MYT1L: variants seen among roughly 807,000 people sequenced by gnomAD.
MYT1L encodes myelin transcription factor 1-like protein.
In MYT1L, 12 loss-of-function variants were observed where a neutral mutation model predicts 126.7. The ratio of observed to expected loss-of-function variants is 0.09; its 90% CI spans 0.06 to 0.15. MYT1L has a LOEUF of 0.15. Among genes scored for constraint, MYT1L ranks in the 10% least tolerant of loss-of-function variants. The pLI, the probability that MYT1L is intolerant of heterozygous loss-of-function variation, is 1.00. For synonymous variants in MYT1L, 541 were observed against 604.2 expected (o/e 0.90, Z 1.53); for missense variants, 979 against 1,585.2 (o/e 0.62, Z 6.49).
intron 3 of MYT1L, among the ~76,000 whole-genome samples, chr2:2,140,249 A>G (rs1441606484): frequency 1.3e-5 from 2 of 152,156 alleles, no homozygotes; most frequent in Non-Finnish European, 2.9e-5. Flanking sequence ...AAAATGTGCC[A>G]TAGCAAATTT....
At chr2:2,278,742 A>G (rs1032941565) in intron 2 of MYT1L, among the ~76,000 whole-genome samples, 4 of 152,330 alleles carry the variant, frequency 2.6e-5, no homozygotes, top group East Asian at 3.9e-4. Context: ...GGTAAATTTA[A>G]TGTATAAAGT....
intron 3 of MYT1L, among the ~76,000 whole-genome samples, chr2:2,161,612 T>C (rs2087941441): frequency 6.6e-6 from 1 of 152,184 alleles, no homozygotes; most frequent in African/African-American, 2.4e-5. Flanking sequence ...TGTCATTACA[T>C]TTCCCAGGTC....
At chr2:2,064,095 CT>C (rs1558897010) in intron 3 of MYT1L, among the ~76,000 whole-genome samples, 1 of 152,156 alleles carries the variant, frequency 6.6e-6, no homozygotes, top group Non-Finnish European at 1.5e-5. Flanking sequence ...TATCTGTATT[CT>C]TTAAGTATTG....
intron 3 of MYT1L, among the ~76,000 whole-genome samples, chr2:2,093,569 C>A (rs1037471928): frequency 3.3e-5 from 5 of 151,964 alleles, no homozygotes; most frequent in South Asian, 2.1e-4. Context: ...TGTTTGAGTT[C>A]TTTGTAGATT....
chr2:1,942,966 ATATTT>A lies in MYT1L; in HGVS notation c.505+11_505+15del, dbSNP rs2056816421. 1 of 1,512,306 alleles carries A rather than the reference ATATTT, an allele frequency of 6.6e-7. No homozygotes were observed. The highest frequency in any genetic ancestry group is 8.9e-7 in the Non-Finnish European group (1 of 1,125,892). The allele number at this position is 1,512,306 out of a possible 1,614,324, so 93.7% of individuals were successfully genotyped here. ...CAAATCACGACTTGTTACTTTGCTAATATTTTAAAGATTACCGTTTTCTTCTTCCT... is the reference window on the plus strand; with the variant it reads ...CAAATCACGACTTGTTACTTTGCTAATAAAGATTACCGTTTTCTTCTTCCT... On this transcript the variant is annotated intron_variant, in intron 9 of 24. Transcript: ENST00000647738.
chr2:1,996,595 G>A (rs1359305373), intron 5 of MYT1L, among the ~76,000 whole-genome samples: 33 of 141,812 alleles, frequency 2.3e-4, no homozygotes, highest in African/African-American at 3.2e-4. Context: ...GTGAGTGAGG[G>A]CCGCCCTGCC....
chr2:1,891,652 C>T (rs1291992874), intron 15 of MYT1L, among the ~76,000 whole-genome samples: 1 of 152,166 alleles, frequency 6.6e-6, no homozygotes, highest in African/African-American at 2.4e-5. Context: ...ATGGTGCTAG[C>T]AGAACTTCCT....
intron 18 of MYT1L, among the ~76,000 whole-genome samples, chr2:1,871,940 G>A (rs758989431): frequency 2.6e-5 from 4 of 152,142 alleles, no homozygotes; most frequent in Non-Finnish European, 4.4e-5. Flanking sequence ...ACTCGGAAGC[G>A]CCACATGGAT....
chr2:2,090,152 T>C (rs1293539223), intron 3 of MYT1L, among the ~76,000 whole-genome samples: 1 of 152,154 alleles, frequency 6.6e-6, no homozygotes, highest in Non-Finnish European at 1.5e-5. Flanking sequence ...CTGGAGTAAA[T>C]GCAGGGTTAG....
chr2:2,113,043 G>C (rs372193941), intron 3 of MYT1L, among the ~76,000 whole-genome samples: 8 of 152,302 alleles, frequency 5.3e-5, no homozygotes, highest in African/African-American at 1.9e-4. Context: ...GGAGCATAAG[G>C]AGGGTGCTGA....
At chr2:1,936,291 T>C (rs2055873442) in intron 9 of MYT1L, among the ~76,000 whole-genome samples, 1 of 152,222 alleles carries the variant, frequency 6.6e-6, no homozygotes, top group African/African-American at 2.4e-5. Context: ...TCAAAGTACC[T>C]GAAGGTTTAT....
At chr2:1,963,874 C>T (rs1184201132) in intron 8 of MYT1L, among the ~76,000 whole-genome samples, 1 of 152,222 alleles carries the variant, frequency 6.6e-6, no homozygotes, top group South Asian at 2.1e-4. Context: ...CAGCAATAGG[C>T]TCTCTCACTT....
chr2:2,004,213 T>C (rs1390206925), intron 4 of MYT1L, among the ~76,000 whole-genome samples: 2 of 138,696 alleles, frequency 1.4e-5, no homozygotes, highest in Non-Finnish European at 3.3e-5. Flanking sequence ...CTGAATGTGT[T>C]CTTTCCTGCA....
At chr2:2,197,613 G>A (rs183629980) in intron 2 of MYT1L, among the ~76,000 whole-genome samples, 63 of 142,944 alleles carry the variant, frequency 4.4e-4, no homozygotes, top group Admixed American at 8.3e-4. Flanking sequence ...ATATACACAC[G>A]TATATACACA....
Position 1,943,543 on chromosome 2 carries a change from G to A in MYT1L, c.153-209C>T, listed in dbSNP as rs1332784897. Among the ~76,000 whole-genome samples, 1 of 152,098 alleles carries A rather than the reference G, an allele frequency of 6.6e-6. No homozygotes were observed. Among genetic ancestry groups the A allele is most frequent in the Non-Finnish European group, 1.5e-5 (1 of 68,012 alleles). On this transcript the variant is annotated intron_variant, in intron 8 of 24. Coordinates refer to ENST00000647738, the MANE Select transcript of MYT1L (RefSeq NM_001303052.2). This position sits in a 1 kb window ranked among gnomAD's most constrained non-coding sequence, Gnocchi z 4.4. ...TGAAGTGATAGTGCAAATAAATACC[G>A]CTCACATTTGTCTAGTTACCATTCA...
At chr2:2,005,975 T>TGTTCTTTCCTGCATGC (rs1558713037) in intron 4 of MYT1L, among the ~76,000 whole-genome samples, 13 of 143,582 alleles carry the variant, frequency 9.1e-5, no homozygotes, top group East Asian at 8.4e-4. Context: ...TTCCTGCAGG[T>TGTTCTTTCCTGCATGC]GTTCTTTCCT....
chr2:2,077,658 G>C (rs1306094069), intron 3 of MYT1L, among the ~76,000 whole-genome samples: 1 of 152,176 alleles, frequency 6.6e-6, no homozygotes, highest in Non-Finnish European at 1.5e-5. Flanking sequence ...AGCAACTATG[G>C]AGAATAGAAA....
chr2:2,261,883 T>TA (rs1211502207), intron 2 of MYT1L, among the ~76,000 whole-genome samples: 1 of 152,146 alleles, frequency 6.6e-6, no homozygotes, highest in African/African-American at 2.4e-5. Context: ...CTTAAAAGAA[T>TA]AAAAATAAAC....
chr2:2,289,172 C>A (rs2095563517), intron 1 of MYT1L, among the ~76,000 whole-genome samples: 1 of 152,200 alleles, frequency 6.6e-6, no homozygotes, highest in Non-Finnish European at 1.5e-5. Context: ...TGTCCCTTAA[C>A]CCTGAGAAAA....
Sources: gnomAD v4.1 joint callset for allele counts (sites outside exome capture counted in the v4.1 genomes callset) on GRCh38, gnomAD v4.1.1 for gene constraint, Gnocchi (gnomAD v3.1) non-coding constraint, MANE v1.5 for transcripts, NCBI Gene and HGNC (gene_info 2026-07-23, HGNC 2026-07-21) for gene names.